The following PCDH11X variants were observed in gnomAD, a reference collection of about 807,000 sequenced individuals.
The protein encoded by PCDH11X is protocadherin 11 X-linked.
Under a neutral mutation model 53.3 loss-of-function variants are expected in PCDH11X, and 18 were observed. The observed-to-expected ratio is 0.34, with a 90% CI of 0.23 to 0.50. The LOEUF (loss-of-function observed/expected upper bound fraction) is 0.50. PCDH11X is among the 20% of genes least tolerant of loss of function. The probability of loss-of-function intolerance (pLI) is 0.98; values close to 1 mark genes in which losing one functional copy is unlikely to be tolerated. For synonymous variants in PCDH11X, 279 were observed against 393.3 expected (o/e 0.71, Z 3.44); for missense variants, 570 against 1,032.4 (o/e 0.55, Z 6.14).
chrX:92,416,026 T>C (rs2148608668), intron 9 of PCDH11X, among the ~76,000 whole-genome samples: 1 of 111,692 alleles, frequency 9.0e-6, no homozygotes, highest in Non-Finnish European at 1.9e-5. Context: ...TATTTCTCAC[T>C]GTGCTATACT....
intron 6 of PCDH11X, among the ~76,000 whole-genome samples, chrX:92,062,885 A>G (rs766139647): frequency 9.0e-6 from 1 of 111,580 alleles, no homozygotes; most frequent in South Asian, 3.8e-4. Context: ...TACTAAAAAG[A>G]CACATGCACA....
intron 8 of PCDH11X, among the ~76,000 whole-genome samples, chrX:92,327,850 A>G (rs1247641164): frequency 2.0e-5 from 2 of 98,472 alleles, no homozygotes; most frequent in Non-Finnish European, 4.1e-5. Context: ...TCAGAAATAC[A>G]ACATATGATT....
intron 6 of PCDH11X, among the ~76,000 whole-genome samples, chrX:91,901,432 T>C (rs1413441556): frequency 9.0e-6 from 1 of 111,303 alleles, no homozygotes; most frequent in African/African-American, 3.3e-5. Context: ...CCTTTCTGAC[T>C]CTGGAATAAG....
chrX:92,416,011 CT>C (rs753110137), intron 9 of PCDH11X, among the ~76,000 whole-genome samples: 1 of 111,401 alleles, frequency 9.0e-6, no homozygotes, highest in South Asian at 3.7e-4. Context: ...AGAGTGAACA[CT>C]TTTTATTTCT....
intron 7 of PCDH11X, among the ~76,000 whole-genome samples, chrX:92,260,557 G>A (rs767657010): frequency 5.1e-4 from 56 of 110,757 alleles, no homozygotes; most frequent in African/African-American, 1.8e-3. Flanking sequence ...TAGGTATTAT[G>A]AGGGCACACC....
intron 6 of PCDH11X, among the ~76,000 whole-genome samples, chrX:92,066,412 T>C (rs2063609077): frequency 9.9e-6 from 1 of 100,700 alleles, no homozygotes; most frequent in African/African-American, 3.6e-5. Context: ...TATTTTGCAT[T>C]GAATCTGTAA....
intron 7 of PCDH11X, among the ~76,000 whole-genome samples, chrX:92,240,699 T>C (rs2067248150): frequency 1.8e-5 from 2 of 112,050 alleles, no homozygotes; most frequent in Admixed American, 1.9e-4. Flanking sequence ...AAAGCTTGTA[T>C]TTTAAAATAA....
At chrX:92,069,639 T>A (rs1359532897) in intron 6 of PCDH11X, among the ~76,000 whole-genome samples, 1 of 111,255 alleles carries the variant, frequency 9.0e-6, no homozygotes, top group African/African-American at 3.3e-5. Flanking sequence ...ATTGTATGAT[T>A]TTTGCTTTGA....
chrX:92,424,297 T>G (rs2072056817), intron 9 of PCDH11X, among the ~76,000 whole-genome samples: 1 of 95,480 alleles, frequency 1.0e-5, no homozygotes. Context: ...TAATGCTGAT[T>G]TTTTTCTTTA....
chrX:92,069,707 A>G (rs1190965159), intron 6 of PCDH11X, among the ~76,000 whole-genome samples: 4 of 110,975 alleles, frequency 3.6e-5, no homozygotes, highest in Admixed American at 1.9e-4. Context: ...TTTGAGACAA[A>G]GTCTCGCTCT....
At chrX:91,951,868 G>T (rs989985767) in intron 6 of PCDH11X, among the ~76,000 whole-genome samples, 2 of 111,715 alleles carry the variant, frequency 1.8e-5, no homozygotes, top group South Asian at 7.4e-4. Context: ...GCTTCCAGTT[G>T]CTCTGTCAGG....
chrX:92,113,372 C>A, intron 6 of PCDH11X: 1 of 1,199,894 alleles, frequency 8.3e-7, no homozygotes, highest in Non-Finnish European at 1.1e-6. Flanking sequence ...CCAAACTGTC[C>A]ACCTCGACTG....
chrX:91,793,275 G>T (rs1935618309), intron 1 of PCDH11X, among the ~76,000 whole-genome samples: 1 of 106,753 alleles, frequency 9.4e-6, no homozygotes, highest in African/African-American at 3.4e-5. Context: ...TCTTATCCCT[G>T]GAATAATATT....
At chrX:92,257,264 T>G (rs1370155441) in intron 7 of PCDH11X, among the ~76,000 whole-genome samples, 1 of 111,298 alleles carries the variant, frequency 9.0e-6, no homozygotes, top group Non-Finnish European at 1.9e-5. Flanking sequence ...TCCACCCCCA[T>G]GATCCAGTCA....
intron 6 of PCDH11X, among the ~76,000 whole-genome samples, chrX:92,045,311 TAA>T (rs1489353645): frequency 1.0e-5 from 1 of 100,203 alleles, no homozygotes; most frequent in Non-Finnish European, 2.0e-5. Context: ...AGAATGAAGA[TAA>T]AGTCTGGACC....
intron 8 of PCDH11X, among the ~76,000 whole-genome samples, chrX:92,339,060 C>T (rs1349324873): frequency 9.0e-6 from 1 of 111,179 alleles, no homozygotes; most frequent in Non-Finnish European, 1.9e-5. Flanking sequence ...GATACCCATG[C>T]AAAAATAGAC....
chrX:92,097,407 C>A (rs1194061286), intron 6 of PCDH11X, among the ~76,000 whole-genome samples: 1 of 98,116 alleles, frequency 1.0e-5, no homozygotes, highest in Admixed American at 1.2e-4. Flanking sequence ...GAGCCCTTGT[C>A]TCAGAAAAAA....
At chrX:92,182,455 GCATGATTGGTTTTGAAATGTGAGAA>G (rs1015628296) in intron 6 of PCDH11X, among the ~76,000 whole-genome samples, 8 of 111,582 alleles carry the variant, frequency 7.2e-5, no homozygotes, top group African/African-American at 2.6e-4. Flanking sequence ...TGTTGGGAAG[GCATGATTGGTTTTGAAATGTGAGAA>G]CATGAGGTTT....
At chrX:92,486,745 C>T (rs2073649152) in intron 10 of PCDH11X, among the ~76,000 whole-genome samples, 1 of 109,714 alleles carries the variant, frequency 9.1e-6, no homozygotes, top group Admixed American at 9.9e-5. Context: ...ATAAACTTAC[C>T]AGATATTTCT....
Sources: allele counts gnomAD v4.1 joint callset (sites outside exome capture counted in the v4.1 genomes callset), GRCh38; gene constraint gnomAD v4.1.1; transcripts MANE v1.5; gene names NCBI Gene and HGNC (gene_info 2026-07-23, HGNC 2026-07-21).